The following SH3RF3 variants were observed in gnomAD, a reference collection of about 807,000 sequenced individuals.
SH3RF3 encodes SH3 domain containing ring finger 3.
Under a neutral mutation model 66.3 loss-of-function variants are expected in SH3RF3, and 29 were observed. The observed-to-expected ratio is 0.44, with a 90% confidence interval of 0.33 to 0.60. The LOEUF (loss-of-function observed/expected upper bound fraction) is 0.60, where lower values mean the gene tolerates loss of function less well. Ranked by LOEUF, SH3RF3 falls within the 20% of genes least tolerant of loss-of-function variation. The probability of loss-of-function intolerance (pLI) is 0.04; values close to 1 mark genes in which losing one functional copy is unlikely to be tolerated. For missense variants in SH3RF3, 1,194 were observed against 1,190.9 expected (o/e 1.00, Z -0.04); for synonymous variants, 583 against 532.0 (o/e 1.10, Z -1.32).
intron 3 of SH3RF3, among the ~76,000 whole-genome samples, chr2:109,373,527 G>C (rs111499261): frequency 0.019 from 2,939 of 152,302 alleles, 95 homozygotes; most frequent in African/African-American, 0.061. Flanking sequence ...ATCTCCAAGT[G>C]AAATTTTTGA....
At chr2:109,462,482 A>G (rs1401258132) in intron 8 of SH3RF3, among the ~76,000 whole-genome samples, 3 of 152,110 alleles carry the variant, frequency 2.0e-5, no homozygotes, top group Non-Finnish European at 4.4e-5. Context: ...TCCATGATCC[A>G]TCTCTCTTCT....
intron 1 of SH3RF3, among the ~76,000 whole-genome samples, chr2:109,314,512 A>G (rs1235935382): frequency 6.6e-6 from 1 of 152,212 alleles, no homozygotes; most frequent in Non-Finnish European, 1.5e-5. Context: ...CCGTGCAGGA[A>G]TGAATTTCTC....
At chr2:109,140,803 C>T (rs2104829881) in intron 1 of SH3RF3, among the ~76,000 whole-genome samples, 1 of 152,322 alleles carries the variant, frequency 6.6e-6, no homozygotes, top group Admixed American at 6.5e-5. Context: ...GTAACATCTC[C>T]TCTGTGTCCC....
At chr2:109,138,323 G>A (rs1218819507) in intron 1 of SH3RF3, among the ~76,000 whole-genome samples, 2 of 152,210 alleles carry the variant, frequency 1.3e-5, no homozygotes, top group African/African-American at 2.4e-5. Context: ...CACTTCGCCT[G>A]GCCTCTCAGA....
At chr2:109,220,823 T>C (rs368665843) in intron 1 of SH3RF3, among the ~76,000 whole-genome samples, 1 of 152,226 alleles carries the variant, frequency 6.6e-6, no homozygotes, top group African/African-American at 2.4e-5. Flanking sequence ...ATGGTACAGC[T>C]GCTGTGCAAA....
chr2:109,200,896 C>T (rs915579000), intron 1 of SH3RF3, among the ~76,000 whole-genome samples: 3 of 152,204 alleles, frequency 2.0e-5, no homozygotes, highest in Non-Finnish European at 2.9e-5. Flanking sequence ...TGTTTCATGT[C>T]ACTCCTCCTT....
At chr2:109,335,995 G>A (rs917403250) in intron 1 of SH3RF3, among the ~76,000 whole-genome samples, 2 of 152,090 alleles carry the variant, frequency 1.3e-5, no homozygotes, top group Admixed American at 6.5e-5. Flanking sequence ...CGAGACATTC[G>A]GGCTGATTTA....
chr2:109,433,292 A>G (rs1182863272), intron 6 of SH3RF3, among the ~76,000 whole-genome samples: 2 of 152,250 alleles, frequency 1.3e-5, no homozygotes, highest in East Asian at 1.9e-4. Context: ...CCAAAGGTCA[A>G]CGATTGTTGA....
At chr2:109,493,574 AC>A (rs1679185357) in intron 9 of SH3RF3, among the ~76,000 whole-genome samples, 1 of 151,250 alleles carries the variant, frequency 6.6e-6, no homozygotes, top group Non-Finnish European at 1.5e-5. Flanking sequence ...TACACACTGC[AC>A]ACACCCCACA....
At chr2:109,486,097 C>G (rs114996603) in intron 8 of SH3RF3, among the ~76,000 whole-genome samples, 2 of 152,194 alleles carry the variant, frequency 1.3e-5, no homozygotes, top group Non-Finnish European at 2.9e-5. Context: ...TGTTAGTAAC[C>G]CTCAATAACC....
intron 1 of SH3RF3, among the ~76,000 whole-genome samples, chr2:109,258,482 C>G (rs1309599797): frequency 1.3e-5 from 2 of 152,190 alleles, no homozygotes; most frequent in Admixed American, 6.5e-5. Context: ...CCACACCTAC[C>G]AGGGCCAATC....
intron 2 of SH3RF3, among the ~76,000 whole-genome samples, chr2:109,368,167 T>C (rs1683186398): frequency 6.6e-6 from 1 of 152,240 alleles, no homozygotes; most frequent in Non-Finnish European, 1.5e-5. Context: ...CTTTCCACTG[T>C]TTTTTTAAGT....
At chr2:109,411,648 C>T (rs576579292) in intron 4 of SH3RF3, among the ~76,000 whole-genome samples, 5 of 152,286 alleles carry the variant, frequency 3.3e-5, no homozygotes, top group East Asian at 1.9e-4. Context: ...CCCAGCCCAG[C>T]GTTGCCTCCT....
intron 2 of SH3RF3, among the ~76,000 whole-genome samples, chr2:109,371,072 T>C (rs766560280): frequency 6.6e-5 from 10 of 152,212 alleles, no homozygotes; most frequent in African/African-American, 9.6e-5. Context: ...ATGGGGCTCT[T>C]TGCAGCTATA....
intron 3 of SH3RF3, among the ~76,000 whole-genome samples, chr2:109,381,231 T>C (rs1573206550): frequency 6.6e-6 from 1 of 152,234 alleles, no homozygotes; most frequent in African/African-American, 2.4e-5. Context: ...AGCAGGCTGC[T>C]GGAGCGTCTG....
intron 8 of SH3RF3, among the ~76,000 whole-genome samples, chr2:109,455,959 C>G (rs1046150217): frequency 6.6e-6 from 1 of 152,246 alleles, no homozygotes; most frequent in African/African-American, 2.4e-5. Flanking sequence ...AGAACTGATT[C>G]ACCCACGTGG....
intron 1 of SH3RF3, among the ~76,000 whole-genome samples, chr2:109,215,757 C>G (rs1332918356): frequency 2.0e-5 from 3 of 152,100 alleles, no homozygotes; most frequent in Non-Finnish European, 4.4e-5. Flanking sequence ...GGGGACATCG[C>G]TGCACAGTTG....
intron 2 of SH3RF3, among the ~76,000 whole-genome samples, chr2:109,366,988 T>C (rs983947788): frequency 6.6e-6 from 1 of 152,222 alleles, no homozygotes; most frequent in African/African-American, 2.4e-5. Context: ...CAGAGTCTCA[T>C]TCTCGCCCAG....
chr2:109,412,270 C>G (rs1343894077), intron 4 of SH3RF3, among the ~76,000 whole-genome samples: 1 of 152,234 alleles, frequency 6.6e-6, no homozygotes, highest in Non-Finnish European at 1.5e-5. Context: ...ACATTGCCCC[C>G]CTTTCATTGG....
Sources: allele counts gnomAD v4.1 joint callset (sites outside exome capture counted in the v4.1 genomes callset), GRCh38; gene constraint gnomAD v4.1.1; transcripts MANE v1.5; gene names NCBI Gene and HGNC (gene_info 2026-07-23, HGNC 2026-07-21).